Variants in RPRD2 observed in about 807,000 individuals in gnomAD.
RPRD2 encodes regulation of nuclear pre-mRNA domain-containing protein 2.
Under a neutral mutation model 104.4 loss-of-function variants are expected in RPRD2, and 12 were observed. The observed-to-expected ratio is 0.11, with a 90% confidence interval of 0.07 to 0.19. RPRD2 has a LOEUF of 0.19. Ranked by LOEUF, RPRD2 falls within the 10% of genes least tolerant of loss-of-function variation. The pLI, the probability that RPRD2 is intolerant of heterozygous loss-of-function variation, is 1.00. For synonymous variants in RPRD2, 714 were observed against 684.9 expected (o/e 1.04, Z -0.66); for missense variants, 1,543 against 1,790.1 (o/e 0.86, Z 2.49).
chr1:150,364,958 A>C (rs1553876943), intron 1 of RPRD2, 39 bp downstream of exon 1: 3 of 1,602,078 alleles, frequency 1.9e-6, no homozygotes, highest in African/African-American at 1.3e-5. Context: ...AAGACTGGGG[A>C]AATGGAAGGA....
chr1:150,464,382 A>C, intron 9 of RPRD2, 145 bp from the exon 10 acceptor site: 1 of 339,640 alleles, frequency 2.9e-6, no homozygotes, highest in Non-Finnish European at 4.8e-6. Flanking sequence ...TTTTTTTTGT[A>C]CATGTCATGT....
chr1:150,403,832 C>T (rs1311227389), intron 1 of RPRD2, among the ~76,000 whole-genome samples: 1 of 151,946 alleles, frequency 6.6e-6, no homozygotes, highest in African/African-American at 2.4e-5. Context: ...TGGGATTTCG[C>T]CCGGTTGCCC....
chr1:150,369,441 ATTTTTTTTTTTTT>A (rs58054758), intron 1 of RPRD2, among the ~76,000 whole-genome samples: 1,566 of 57,524 alleles, frequency 0.027, 33 homozygotes, highest in African/African-American at 0.099. Context: ...CACCTGGCTA[ATTTTTTTTTTTTT>A]TTTTTTTTTT....
At chr1:150,413,956 G>A (rs1560182090) in intron 1 of RPRD2, among the ~76,000 whole-genome samples, 1 of 151,986 alleles carries the variant, frequency 6.6e-6, no homozygotes, top group Non-Finnish European at 1.5e-5. Context: ...AGCCAGACAT[G>A]GTGGCATGTG....
chr1:150,457,316 A>T lies in RPRD2; in HGVS notation c.899A>T (p.Asn300Ile). The T allele has an allele frequency of 6.2e-7, 1 of 1,610,174 alleles. No homozygotes were observed. Reference sequence around the variant, plus strand: ...TATAAAACCTTTGCTAACCGAGTAAACAATTTAAAGAAGAAGTTGGATCAA... The same window carrying T: ...TATAAAACCTTTGCTAACCGAGTAATCAATTTAAAGAAGAAGTTGGATCAA... ...NAYKTFANRVNNLKKKLDQLK... is the reference protein window; with the variant it reads ...NAYKTFANRVINLKKKLDQLK... The change falls in exon 8 of 11, where the codon AAC (asparagine) becomes ATC (isoleucine). Residue 300 changes from asparagine to isoleucine, a missense_variant. Physicochemically the swap from Asn to Ile is moderately radical, Grantham distance 149 (BLOSUM62 -3). Coordinates refer to ENST00000369068, the MANE Select transcript of RPRD2 (RefSeq NM_015203.5).
intron 2 of RPRD2, among the ~76,000 whole-genome samples, chr1:150,420,462 A>G (rs1415438866): frequency 1.3e-5 from 2 of 152,236 alleles, no homozygotes; most frequent in Non-Finnish European, 2.9e-5. Flanking sequence ...AAGCATTCCA[A>G]GACAGAAGTC....
Position 150,473,406 on chromosome 1 carries a change from G to T in RPRD2, c.*72G>T. The T allele has an allele frequency of 1.4e-6, 2 of 1,394,210 alleles. No individual in the cohort carries two copies. The highest frequency in any genetic ancestry group is 3.3e-5 in the South Asian group (2 of 61,532). The allele number at this position is 1,394,210 out of a possible 1,614,324, so 86.4% of individuals were successfully genotyped here. The stretch of plus-strand genomic sequence containing the variant: ...AGTAGGAGTTTGGTTTATTGTTGTT[G>T]TTTTTATTTGTTTTCTCTTTCTCGA... On this transcript the variant is annotated 3_prime_UTR_variant, in exon 11 of 11. Coordinates refer to ENST00000369068, the MANE Select transcript of RPRD2 (RefSeq NM_015203.5).
chr1:150,425,852 T>C (rs1424611488), intron 2 of RPRD2, among the ~76,000 whole-genome samples: 1 of 152,090 alleles, frequency 6.6e-6, no homozygotes, highest in African/African-American at 2.4e-5. Context: ...GGCTCATGCC[T>C]ATAATCCCAG....
intron 2 of RPRD2, among the ~76,000 whole-genome samples, chr1:150,438,903 C>G (rs1666208989): frequency 1.3e-5 from 2 of 152,078 alleles, no homozygotes; most frequent in Non-Finnish European, 2.9e-5. Flanking sequence ...GGCGCAATCT[C>G]AGCTCACTGC....
chr1:150,373,785 C>T (rs981972013), intron 1 of RPRD2, among the ~76,000 whole-genome samples: 4 of 151,850 alleles, frequency 2.6e-5, no homozygotes, highest in Non-Finnish European at 4.4e-5. Flanking sequence ...ATCACCATAG[C>T]GTGTCTAGTA....
intron 1 of RPRD2, among the ~76,000 whole-genome samples, chr1:150,369,441 ATTTTTTTTTTTTTTTTTTTTTTTT>A (rs58054758): frequency 3.5e-5 from 2 of 57,534 alleles, no homozygotes; most frequent in East Asian, 1.3e-3. Flanking sequence ...CACCTGGCTA[ATTTTTTTTTTTTTTTTTTTTTTTT>A]TTTTTTTTTG....
chr1:150,418,873 G>T (rs898162227), intron 2 of RPRD2, among the ~76,000 whole-genome samples: 2 of 152,072 alleles, frequency 1.3e-5, no homozygotes, highest in Non-Finnish European at 2.9e-5. Flanking sequence ...TTAGCCAGGC[G>T]TGGTGGCAGG....
At chr1:150,381,784 G>T (rs766887040) in intron 1 of RPRD2, among the ~76,000 whole-genome samples, 2 of 152,002 alleles carry the variant, frequency 1.3e-5, no homozygotes, top group East Asian at 3.9e-4. Context: ...GATTACAGAC[G>T]TGAGCCACCG....
intron 1 of RPRD2, among the ~76,000 whole-genome samples, chr1:150,366,057 A>C (rs1243968833): frequency 1.3e-5 from 2 of 152,184 alleles, no homozygotes; most frequent in Admixed American, 6.6e-5. Context: ...TTACTGCAGA[A>C]ACGAGCTCTG....
intron 10 of RPRD2, among the ~76,000 whole-genome samples, chr1:150,467,596 A>T (rs1570801024): frequency 6.6e-6 from 1 of 151,562 alleles, no homozygotes; most frequent in Admixed American, 6.6e-5. Context: ...CTGGTCTCGA[A>T]CTCCTGACCT....
At position 150,461,176 on chromosome 1, in the gene RPRD2, C is replaced by G. The variant is rs587720700; in HGVS notation, c.1411+859C>G. Among the ~76,000 whole-genome samples the G allele has an allele frequency of 1.6e-4, 25 of 151,788 alleles. No homozygotes were observed. In the East Asian group the frequency reaches 4.7e-3, roughly 28 times the overall value. On this transcript the variant is annotated intron_variant, in intron 9 of 10. Coordinates refer to ENST00000369068, the MANE Select transcript of RPRD2 (RefSeq NM_015203.5). ...TTGGGAGGCTGAGATGGTAGATTGC[C>G]TGAGGCCAGGAGTTCGAGACCAGCC...
At chr1:150,411,980 G>T in intron 1 of RPRD2, among the ~76,000 whole-genome samples, 1 of 151,436 alleles carries the variant, frequency 6.6e-6, no homozygotes, top group East Asian at 2.0e-4. Context: ...AAAATTAGCC[G>T]GGCATGGTGG....
intron 7 of RPRD2, among the ~76,000 whole-genome samples, chr1:150,454,624 G>A (rs1553897232): frequency 6.6e-6 from 1 of 152,094 alleles, no homozygotes; most frequent in East Asian, 1.9e-4. Flanking sequence ...GGGGCAGGCG[G>A]ATCACCTGAG....
In RPRD2 at chr1:150,473,061, A is replaced by C. The variant is rs749599054; in HGVS notation, c.4113A>C (p.Leu1371=). 6.2e-7 allele frequency: 1 copy of C among 1,613,564 alleles called. No individual in the cohort carries two copies. Among genetic ancestry groups the C allele is most frequent in the Non-Finnish European group, 8.5e-7 (1 of 1,179,794 alleles). Residue 1371 remains leucine, a synonymous_variant, in exon 11 of 11, where the codon CTA becomes CTC. Coordinates refer to ENST00000369068, the MANE Select transcript of RPRD2 (RefSeq NM_015203.5). ...GLSRVRESLT[L]PSHSLEHLGP... is the part of the protein sequence containing the mutation. The stretch of plus-strand genomic sequence containing the variant: ...GCCGTGTACGAGAGAGCCTCACCCT[A>C]CCCTCCCATTCTCTGGAACACCTGG...
Sources: gnomAD v4.1 joint callset for allele counts (sites outside exome capture counted in the v4.1 genomes callset) on GRCh38, gnomAD v4.1.1 for gene constraint, MANE v1.5 for transcripts, NCBI Gene and HGNC (gene_info 2026-07-23, HGNC 2026-07-21) for gene names.